Variants in CFAP92 observed in about 807,000 individuals in gnomAD.
The protein encoded by CFAP92 is cilia and flagella associated protein 92 (putative).
Under a neutral mutation model 106.3 loss-of-function variants are expected in CFAP92, and 86 were observed. The observed-to-expected ratio is 0.81, with a 90% confidence interval of 0.68 to 0.97. The LOEUF (loss-of-function observed/expected upper bound fraction) is 0.97, where lower values mean the gene tolerates loss of function less well. Among genes scored for constraint, CFAP92 ranks in the 50% least tolerant of loss-of-function variants. The pLI is 0.00. For missense variants in CFAP92, 1,204 were observed against 1,283.8 expected, an observed-to-expected ratio of 0.94 and a Z score of 0.95; for synonymous variants, 477 against 506.4, an observed-to-expected ratio of 0.94 and a Z score of 0.78.
chr3:128,914,095 G>A (rs1234063038), intron 15 of CFAP92, among the ~76,000 whole-genome samples: 1 of 152,186 alleles, frequency 6.6e-6, no homozygotes, highest in African/African-American at 2.4e-5. Context: ...TCTTAAACAT[G>A]TTGTGGGAAG....
chr3:129,022,306 C>T, the CFAP92 span, among the ~76,000 whole-genome samples: 2 of 152,072 alleles, frequency 1.3e-5, no homozygotes, highest in African/African-American at 2.4e-5. Context: ...GGCTCAGAGA[C>T]GGGGAGGGAG....
the CFAP92 span, among the ~76,000 whole-genome samples, chr3:129,021,577 A>C: frequency 2.0e-5 from 3 of 152,112 alleles, no homozygotes; most frequent in Non-Finnish European, 4.4e-5. Context: ...TCCGTCTCAA[A>C]AAACAAACAA....
the CFAP92 span, among the ~76,000 whole-genome samples, chr3:129,022,619 C>A: frequency 2.6e-5 from 4 of 152,200 alleles, no homozygotes; most frequent in Non-Finnish European, 5.9e-5. Flanking sequence ...AGGGAACACC[C>A]AACCGCACAC....
At chr3:129,015,251 C>T in the CFAP92 span, among the ~76,000 whole-genome samples, 4 of 152,176 alleles carry the variant, frequency 2.6e-5, no homozygotes, top group African/African-American at 7.2e-5. Flanking sequence ...CCACCATCCC[C>T]AAGCCTACTC....
chr3:128,970,611 T>C (rs1056141282), intron 8 of CFAP92: 1 of 152,260 alleles, frequency 6.6e-6, no homozygotes, highest in Non-Finnish European at 1.5e-5. Context: ...TCAAAACATA[T>C]TGATATAATA....
At chr3:129,000,802 C>G (rs577385425) in intron 1 of CFAP92, among the ~76,000 whole-genome samples, 7 of 152,214 alleles carry the variant, frequency 4.6e-5, no homozygotes, top group Non-Finnish European at 1.0e-4. Context: ...GGAGACACCA[C>G]TTTCCCGAGA....
At chr3:128,939,921 T>C (rs368218425) in intron 10 of CFAP92, among the ~76,000 whole-genome samples, 23 of 152,324 alleles carry the variant, frequency 1.5e-4, no homozygotes, top group East Asian at 1.2e-3. Flanking sequence ...GCTGACCTCC[T>C]GCTGTGCAGC....
At chr3:128,923,574 TG>T (rs1268614110) in intron 12 of CFAP92, among the ~76,000 whole-genome samples, 1 of 152,196 alleles carries the variant, frequency 6.6e-6, no homozygotes, top group East Asian at 1.9e-4. Context: ...AAGGTCCTTT[TG>T]TAAAAGGGAA....
chr3:128,910,575 G>A (rs181122186), intron 15 of CFAP92, among the ~76,000 whole-genome samples: 10 of 152,202 alleles, frequency 6.6e-5, no homozygotes, highest in Non-Finnish European at 1.3e-4. Context: ...TTGGGGAAAG[G>A]CTGTTGGATC....
the CFAP92 span, among the ~76,000 whole-genome samples, chr3:129,015,421 G>A: frequency 1.3e-5 from 2 of 151,986 alleles, no homozygotes; most frequent in Admixed American, 6.6e-5. Context: ...TGCTCCTTCG[G>A]GGGGGGAGGT....
chr3:128,990,375 T>C (rs1487777758), intron 2 of CFAP92, among the ~76,000 whole-genome samples: 2 of 152,096 alleles, frequency 1.3e-5, no homozygotes, highest in Non-Finnish European at 2.9e-5. Flanking sequence ...CATGTGCCTG[T>C]AGTTCCAGCT....
intron 8 of CFAP92, chr3:128,967,585 C>T (rs1327694797): frequency 6.6e-6 from 1 of 151,996 alleles, no homozygotes; most frequent in African/African-American, 2.4e-5. Context: ...CCTGTATTCC[C>T]AACTACTCAG....
intron 1 of CFAP92, chr3:129,002,260 G>A: frequency 6.5e-7 from 1 of 1,531,204 alleles, no homozygotes; most frequent in Non-Finnish European, 8.7e-7. Context: ...AGCAGCTTGC[G>A]CGAGTTGGTG....
At chr3:128,912,591 T>C in intron 15 of CFAP92, 1 of 1,614,122 alleles carries the variant, frequency 6.2e-7, no homozygotes, top group Non-Finnish European at 8.5e-7. Context: ...GCCCACCCTC[T>C]GGACAGGACA....
intron 9 of CFAP92, among the ~76,000 whole-genome samples, chr3:128,959,621 A>C (rs544835043): frequency 6.6e-6 from 1 of 152,300 alleles, no homozygotes; most frequent in South Asian, 2.1e-4. Context: ...GTTGGTTCAC[A>C]ATGAGTGAGC....
rs531661492 is a variant in CFAP92, at chr3:128,945,686, G to A, written c.1643C>T (p.Thr548Ile). ...CTGGGACTCAAAGGGGTTGTTCTCT[G>A]TCTCTCTGGGAGAGATGAGGGCCTG... Reference protein sequence around the residue: ...NFQALISPRETENNPFESQNK... With the variant: ...NFQALISPREIENNPFESQNK... The change falls in exon 10 of 16, where the codon ACA becomes ATA. Residue 548 changes from threonine to isoleucine, a missense_variant. By Grantham distance (89) the Thr-to-Ile change is moderately conservative. Coordinates refer to ENST00000645291, the MANE Select transcript of CFAP92 (RefSeq NM_001394090.1). The A allele has an allele frequency of 4.9e-5, 76 of 1,536,098 alleles. No individual in the cohort carries two copies. The African/African-American group carries it at 9.0e-4, about 18-fold the overall frequency.
upstream of CFAP92, among the ~76,000 whole-genome samples, chr3:128,998,898 A>G (rs1187197829): frequency 2.0e-5 from 3 of 152,186 alleles, no homozygotes; most frequent in Non-Finnish European, 4.4e-5. Context: ...CAACCACTAC[A>G]CCATGAAGAT....
chr3:129,020,338 C>G, the CFAP92 span, among the ~76,000 whole-genome samples: 1 of 152,124 alleles, frequency 6.6e-6, no homozygotes, highest in Non-Finnish European at 1.5e-5. Context: ...GACTTACTCC[C>G]ATTTAAAAGA....
chr3:129,018,409 A>T, the CFAP92 span, among the ~76,000 whole-genome samples: 1 of 152,264 alleles, frequency 6.6e-6, no homozygotes, highest in Non-Finnish European at 1.5e-5. Flanking sequence ...GACATATGAA[A>T]ATTTCATAAA....
Sources: allele counts gnomAD v4.1 joint callset (sites outside exome capture counted in the v4.1 genomes callset), GRCh38; gene constraint gnomAD v4.1.1; transcripts MANE v1.5; gene names NCBI Gene and HGNC (gene_info 2026-07-23, HGNC 2026-07-21).